The following GNA12 variants were observed in gnomAD, a reference collection of about 807,000 sequenced individuals.
GNA12 encodes guanine nucleotide-binding protein subunit alpha-12.
A neutral mutation model predicts 26.0 loss-of-function variants in GNA12; 9 were observed. The ratio of observed to expected loss-of-function variants is 0.35; its 90% CI spans 0.21 to 0.60. GNA12 has a LOEUF of 0.60. Ranked by LOEUF, GNA12 falls within the 20% of genes least tolerant of loss-of-function variation. GNA12 has a pLI of 0.78. For missense variants in GNA12, 405 were observed against 525.8 expected (o/e 0.77, Z 2.25); for synonymous variants, 264 against 219.6 (o/e 1.20, Z -1.79).
At chr7:2,791,300 G>A (rs890224583) in intron 2 of GNA12, among the ~76,000 whole-genome samples, 1 of 152,200 alleles carries the variant, frequency 6.6e-6, no homozygotes, top group Non-Finnish European at 1.5e-5. Context: ...TGCTCATGGG[G>A]TGTCTGCTGT....
rs1376909614 is a variant in GNA12 at position 2,731,514 on chromosome 7, C to T, written c.813G>A (p.Val271=). 4 of 1,612,904 alleles carry T rather than the reference C, an allele frequency of 2.5e-6. No individual in the cohort carries two copies. Among genetic ancestry groups the T allele is most frequent in the Non-Finnish European group, 3.4e-6 (4 of 1,179,254 alleles). The change falls in exon 4 of 4, where the codon GTG becomes GTA. Residue 271 remains valine (V), a synonymous_variant. Coordinates refer to ENST00000275364, the MANE Select transcript of GNA12 (RefSeq NM_007353.3). This position sits in a 1 kb window ranked among gnomAD's most constrained non-coding sequence, Gnocchi z 6.0. ...LMEDRRTNRL[V]ESMNIFETIV... Reference sequence around the variant, plus strand: ...TGGTCTCGAAGATGTTCATGGACTCCACCAGCCGGTTGGTGCGCCTGTCCT... The same window carrying T: ...TGGTCTCGAAGATGTTCATGGACTCTACCAGCCGGTTGGTGCGCCTGTCCT...
At chr7:2,823,500 T>G (rs1793414727) in intron 1 of GNA12, among the ~76,000 whole-genome samples, 1 of 152,186 alleles carries the variant, frequency 6.6e-6, no homozygotes. Flanking sequence ...CTTTGGTCTT[T>G]CAAGCATGCT....
chr7:2,799,679 A>AT (rs1792761618), intron 1 of GNA12, among the ~76,000 whole-genome samples: 3 of 152,204 alleles, frequency 2.0e-5, no homozygotes, highest in African/African-American at 7.2e-5. Flanking sequence ...AGAAAAAAAA[A>AT]ATTTTTTAAA....
chr7:2,830,421 C>G (rs1288442857), intron 1 of GNA12, among the ~76,000 whole-genome samples: 5 of 152,184 alleles, frequency 3.3e-5, no homozygotes. Context: ...GGCTCCTGAC[C>G]ACTGCCATAG....
intron 2 of GNA12, among the ~76,000 whole-genome samples, chr7:2,754,684 G>A (rs987995637): frequency 6.6e-6 from 1 of 152,122 alleles, no homozygotes; most frequent in Non-Finnish European, 1.5e-5. Context: ...AGGAGACTGA[G>A]GCTGCAGTGA....
At chr7:2,773,946 C>A (rs773420997) in intron 2 of GNA12, among the ~76,000 whole-genome samples, 1 of 152,190 alleles carries the variant, frequency 6.6e-6, no homozygotes, top group African/African-American at 2.4e-5. Context: ...CAAGGAAGAA[C>A]GTGCCGCAGA....
Position 2,731,619 on chromosome 7 carries a change from C to G in GNA12, c.708G>C (p.Gln236His). The G allele has an allele frequency of 6.2e-7, 1 of 1,613,944 alleles. No individual in the cohort carries two copies. Among genetic ancestry groups the G allele is most frequent in the Non-Finnish European group, 8.5e-7 (1 of 1,179,970 alleles). The change falls in exon 4 of 4, where the codon CAG (glutamine) becomes CAC (histidine). Residue 236 changes from glutamine to histidine, a missense_variant. Physicochemically the swap from Gln to His is conservative, Grantham distance 24. Transcript: ENST00000275364. This position sits in a 1 kb window ranked among gnomAD's most constrained non-coding sequence, Gnocchi z 6.0. Reference protein sequence around the residue: ...VDVGGQRSQRQKWFQCFDGIT... With the variant: ...VDVGGQRSQRHKWFQCFDGIT... Reference sequence around the variant, plus strand: ...TCCCGTCGAAGCACTGGAACCACTTCTGGCGCTGGGACCGCTGGCCGCCCA... The same window carrying G: ...TCCCGTCGAAGCACTGGAACCACTTGTGGCGCTGGGACCGCTGGCCGCCCA...
rs138624431 is a variant in GNA12 at position 2,768,550 on chromosome 7, T to A, written c.525+26378A>T. 4.1e-3 allele frequency among the ~76,000 whole-genome samples: 624 copies of A among 152,262 alleles called. 5 individuals are homozygous for A. Among genetic ancestry groups the A allele is most frequent in the African/African-American group, 0.014 (593 of 41,548 alleles). On this transcript the variant is annotated intron_variant, in intron 2 of 3. Coordinates refer to ENST00000275364, the MANE Select transcript of GNA12 (RefSeq NM_007353.3). ...ATGTAACACTCAGGAAAACAAAGGT[T>A]AGAGTAAAACCTAATGCTAATAAGT... is the stretch of plus-strand genomic sequence containing the variant.
chr7:2,783,626 GTCAGTGC>G (rs1340747625), intron 2 of GNA12, among the ~76,000 whole-genome samples: 1 of 150,198 alleles, frequency 6.7e-6, no homozygotes, highest in Non-Finnish European at 1.5e-5. Flanking sequence ...TTACAATCCT[GTCAGTGC>G]TTAGAGGCTG....
In GNA12 at chr7:2,798,964, G is replaced by C. The variant is rs189825330; in HGVS notation, c.310-3821C>G. On this transcript the variant is annotated intron_variant, in intron 1 of 3. Transcript: ENST00000275364. ...ACAGGTAAAGAAAATTGGGGGGAGCGGGGGAGGGGGTGGGGAAGAACCTTG... is the reference window on the plus strand; with the variant it reads ...ACAGGTAAAGAAAATTGGGGGGAGCCGGGGAGGGGGTGGGGAAGAACCTTG... Among the ~76,000 whole-genome samples the C allele has an allele frequency of 4.6e-3, 696 of 151,942 alleles. 4 individuals carry two copies. Among genetic ancestry groups the C allele is most frequent in the Non-Finnish European group, 7.3e-3 (495 of 67,974 alleles).
intron 2 of GNA12, among the ~76,000 whole-genome samples, chr7:2,744,916 T>C (rs942231073): frequency 1.3e-5 from 2 of 152,020 alleles, no homozygotes; most frequent in African/African-American, 4.8e-5. Flanking sequence ...AGAAAGGGTA[T>C]AAGTGATGGA....
chr7:2,842,622 T>C (rs909123654), intron 1 of GNA12, among the ~76,000 whole-genome samples: 2 of 152,102 alleles, frequency 1.3e-5, no homozygotes, highest in Non-Finnish European at 2.9e-5. Flanking sequence ...CTTTCACAAA[T>C]ATGGCGAAGA....
intron 2 of GNA12, among the ~76,000 whole-genome samples, chr7:2,759,143 A>G (rs759288614): frequency 2.3e-5 from 2 of 88,174 alleles, no homozygotes; most frequent in Non-Finnish European, 4.6e-5. Flanking sequence ...CTGTCTCAAA[A>G]TAAATAAATA....
At chr7:2,825,937 C>T (rs1266932236) in intron 1 of GNA12, among the ~76,000 whole-genome samples, 1 of 152,106 alleles carries the variant, frequency 6.6e-6, no homozygotes, top group Non-Finnish European at 1.5e-5. Context: ...AATTAAAATA[C>T]TGAGATGCCA....
In GNA12 at chr7:2,814,416, A is replaced by G. The variant is rs776638992; in HGVS notation, c.310-19273T>C. On this transcript the variant is annotated intron_variant, in intron 1 of 3. Coordinates refer to ENST00000275364, the MANE Select transcript of GNA12 (RefSeq NM_007353.3). ...TGCAAGTCAACATTTAAGAATTCCT[A>G]TAATCTGAATTAAAGACAATTAGAG... is the stretch of plus-strand genomic sequence containing the variant. 3.1e-6 allele frequency: 4 copies of G among 1,290,340 alleles called. No homozygotes were observed. In the South Asian group the frequency reaches 3.5e-5, roughly 11 times the overall value. 79.9% of individuals were successfully genotyped at this position (1,290,340 alleles called of 1,614,324 possible). A position where few individuals can be genotyped will look rare whatever the true frequency, so the allele number is the denominator to read the frequency against.
chr7:2,743,096 C>G (rs1409107892), intron 2 of GNA12, among the ~76,000 whole-genome samples: 1 of 152,168 alleles, frequency 6.6e-6, no homozygotes, highest in Non-Finnish European at 1.5e-5. Flanking sequence ...AAGGTGGGAA[C>G]ACTCCAAAAA....
intron 2 of GNA12, among the ~76,000 whole-genome samples, chr7:2,775,063 C>G (rs1295588218): frequency 1.3e-5 from 2 of 152,228 alleles, no homozygotes; most frequent in African/African-American, 4.8e-5. Flanking sequence ...TACTTCCCCT[C>G]TACTGAGGAT....
chr7:2,743,192 G>T (rs79605810), intron 2 of GNA12, among the ~76,000 whole-genome samples: 3,653 of 152,260 alleles, frequency 0.024, 108 homozygotes, highest in Middle Eastern at 0.075. Flanking sequence ...ATATATGGGG[G>T]CAAACTGAAA....
chr7:2,832,044 C>T (rs1057438426), intron 1 of GNA12, among the ~76,000 whole-genome samples: 3 of 152,186 alleles, frequency 2.0e-5, no homozygotes, highest in African/African-American at 7.2e-5. Context: ...CAGTATCTCA[C>T]CTTGACTGAG....
Sources: gnomAD v4.1 joint callset for allele counts (sites outside exome capture counted in the v4.1 genomes callset) on GRCh38, gnomAD v4.1.1 for gene constraint, Gnocchi (gnomAD v3.1) non-coding constraint, MANE v1.5 for transcripts, NCBI Gene and HGNC (gene_info 2026-07-23, HGNC 2026-07-21) for gene names.